Variants in PRKCB observed in about 807,000 individuals in gnomAD.
The protein encoded by PRKCB is protein kinase C beta type.
A neutral mutation model predicts 81.5 loss-of-function variants in PRKCB; 13 were observed. That is an observed-to-expected ratio of 0.16 (90% confidence interval 0.10 to 0.25). The LOEUF (loss-of-function observed/expected upper bound fraction) is 0.25, where lower values mean the gene tolerates loss of function less well. PRKCB is among the 10% of genes least tolerant of loss of function. PRKCB has a pLI of 1.00. For missense variants in PRKCB, 509 were observed against 875.7 expected, an observed-to-expected ratio of 0.58 and a Z score of 5.29; for synonymous variants, 335 against 321.4, an observed-to-expected ratio of 1.04 and a Z score of -0.45.
intron 9 of PRKCB, 104 bp downstream of exon 9, chr16:24,124,085 A>G (rs1966833444): frequency 2.2e-6 from 3 of 1,338,172 alleles, no homozygotes; most frequent in Non-Finnish European, 3.1e-6. Flanking sequence ...GAGAGAGAGT[A>G]AGAAGTAAAT....
intron 3 of PRKCB, among the ~76,000 whole-genome samples, chr16:24,005,942 A>C (rs1337059656): frequency 6.6e-6 from 1 of 152,246 alleles, no homozygotes; most frequent in Non-Finnish European, 1.5e-5. Flanking sequence ...CGAAGCAGCA[A>C]TGAGGGTTGA....
intron 2 of PRKCB, chr16:23,893,682 T>C (rs1353641199): frequency 2.0e-5 from 3 of 152,252 alleles, no homozygotes; most frequent in Non-Finnish European, 4.4e-5. Flanking sequence ...CACCATAATA[T>C]TGTTTTATAA....
intron 10 of PRKCB, among the ~76,000 whole-genome samples, chr16:24,156,881 C>T (rs181992423): frequency 1.1e-3 from 171 of 152,260 alleles, no homozygotes; most frequent in Middle Eastern, 0.01. Context: ...GGACAGTCTC[C>T]GTCCAGTAAA....
chr16:24,214,764 A>T lies in PRKCB; in HGVS notation c.1970A>T (p.Glu657Val). ...VIRNIDQSEFEGFSFVNSEFL... is the reference protein window; with the variant it reads ...VIRNIDQSEFVGFSFVNSEFL... ...AGGAATATTGACCAATCAGAATTCG[A>T]AGGATTTTCCTTTGTTAACTCTGAA... Residue 657 changes from glutamate (E) to valine (V), a missense_variant, in exon 17 of 17, where the codon GAA becomes GTA. Glu to Val is a moderately radical substitution (Grantham distance 121). Coordinates refer to ENST00000643927, the MANE Select transcript of PRKCB (RefSeq NM_002738.7). 1 of 1,614,152 alleles carries T rather than the reference A, an allele frequency of 6.2e-7. No homozygotes were observed. The highest frequency in any genetic ancestry group is 8.5e-7 in the Non-Finnish European group (1 of 1,179,990).
chr16:23,907,106 T>TC (rs1963571543), intron 2 of PRKCB, among the ~76,000 whole-genome samples: 1 of 152,190 alleles, frequency 6.6e-6, no homozygotes, highest in African/African-American at 2.4e-5. Context: ...TTGGAGCCTG[T>TC]CCCATGTAGT....
chr16:23,983,688 C>T (rs1426159835), intron 2 of PRKCB, among the ~76,000 whole-genome samples: 1 of 151,784 alleles, frequency 6.6e-6, no homozygotes, highest in East Asian at 1.9e-4. Flanking sequence ...CCTTCTGTCT[C>T]CAAAGGGGAT....
chr16:23,868,272 G>A (rs1190618466), intron 2 of PRKCB, among the ~76,000 whole-genome samples: 1 of 152,178 alleles, frequency 6.6e-6, no homozygotes, highest in East Asian at 1.9e-4. Flanking sequence ...GCAGTGCACT[G>A]ACCCGTTTTG....
chr16:23,993,676 A>G (rs1964919241), intron 3 of PRKCB, among the ~76,000 whole-genome samples: 1 of 152,198 alleles, frequency 6.6e-6, no homozygotes, highest in Non-Finnish European at 1.5e-5. Context: ...GAAAACTTAA[A>G]TGCAATGGGA....
chr16:24,127,623 T>C (rs1273011280), intron 9 of PRKCB, among the ~76,000 whole-genome samples: 3 of 151,970 alleles, frequency 2.0e-5, no homozygotes, highest in South Asian at 2.1e-4. Flanking sequence ...ATGGAAAGGA[T>C]TGGGGTTGGG....
chr16:23,933,177 G>T (rs961518500), intron 2 of PRKCB, among the ~76,000 whole-genome samples: 1 of 152,130 alleles, frequency 6.6e-6, no homozygotes, highest in Non-Finnish European at 1.5e-5. Context: ...ACCCAGTTTG[G>T]GTCATGTAGG....
chr16:23,889,318 A>G (rs1391121523), intron 2 of PRKCB, among the ~76,000 whole-genome samples: 1 of 152,266 alleles, frequency 6.6e-6, no homozygotes, highest in African/African-American at 2.4e-5. Context: ...CTCCTCAGCT[A>G]TAAAATGAGA....
intron 15 of PRKCB, among the ~76,000 whole-genome samples, chr16:24,189,537 G>T (rs1236837523): frequency 6.6e-6 from 1 of 151,680 alleles, no homozygotes; most frequent in East Asian, 1.9e-4. Context: ...AGCTACTCGG[G>T]AGGCTGAGGC....
At chr16:24,166,695 T>C (rs1244480762) in intron 10 of PRKCB, among the ~76,000 whole-genome samples, 2 of 152,178 alleles carry the variant, frequency 1.3e-5, no homozygotes, top group East Asian at 3.8e-4. Context: ...CTGTGGATTA[T>C]CCACAGAAAC....
At chr16:24,176,924 C>T (rs1045158866) in intron 12 of PRKCB, among the ~76,000 whole-genome samples, 5 of 151,808 alleles carry the variant, frequency 3.3e-5, no homozygotes, top group African/African-American at 9.7e-5. Flanking sequence ...ACACATGATC[C>T]GCCATATGAC....
intron 2 of PRKCB, among the ~76,000 whole-genome samples, chr16:23,908,207 C>T (rs566708967): frequency 1.6e-3 from 243 of 151,980 alleles, no homozygotes; most frequent in South Asian, 1.9e-3. Context: ...GCTGGGGCGG[C>T]GGGGATTCTT....
At chr16:24,164,902 C>G (rs955950050) in intron 10 of PRKCB, among the ~76,000 whole-genome samples, 1 of 152,078 alleles carries the variant, frequency 6.6e-6, no homozygotes, top group East Asian at 1.9e-4. Flanking sequence ...GGAACAAAGG[C>G]AAATTTAAGG....
chr16:24,214,155 A>C (rs1195582432), intron 16 of PRKCB, among the ~76,000 whole-genome samples: 1 of 152,152 alleles, frequency 6.6e-6, no homozygotes, highest in Non-Finnish European at 1.5e-5. Context: ...GAAAACATCC[A>C]CTGCTCCTGA....
At chr16:23,934,281 A>G (rs960711361) in intron 2 of PRKCB, among the ~76,000 whole-genome samples, 2 of 150,982 alleles carry the variant, frequency 1.3e-5, no homozygotes, top group Admixed American at 1.3e-4. Context: ...TGGCATTTCT[A>G]AGAAACGTTG....
intron 9 of PRKCB, among the ~76,000 whole-genome samples, chr16:24,150,754 T>G (rs1567393032): frequency 6.6e-6 from 1 of 152,258 alleles, no homozygotes; most frequent in Non-Finnish European, 1.5e-5. Flanking sequence ...ACTCATTCTC[T>G]TGATCCAGAC....
Sources: allele counts gnomAD v4.1 joint callset (sites outside exome capture counted in the v4.1 genomes callset), GRCh38; gene constraint gnomAD v4.1.1; transcripts MANE v1.5; gene names NCBI Gene and HGNC (gene_info 2026-07-23, HGNC 2026-07-21).